Variants in RMDN2 observed in about 807,000 individuals in gnomAD.
RMDN2 encodes regulator of microtubule dynamics protein 2.
RMDN2 carries 61 observed loss-of-function variants against 52.8 expected under a neutral mutation model. The ratio of observed to expected loss-of-function variants is 1.16; its 90% CI spans 0.94 to 1.43. The LOEUF is 1.43. RMDN2 is among the 40% of genes most tolerant of loss of function. The pLI, the probability that RMDN2 is intolerant of heterozygous loss-of-function variation, is 0.00. For synonymous variants in RMDN2, 180 were observed against 153.1 expected, an observed-to-expected ratio of 1.18 and a Z score of -1.30; for missense variants, 592 against 475.3, an observed-to-expected ratio of 1.25 and a Z score of -2.28.
At position 37,952,149 on chromosome 2, in the gene RMDN2, G is replaced by C. The variant is rs1381121096; in HGVS notation, c.453-21891G>C. The C allele has an allele frequency of 2.5e-6, 4 of 1,613,170 alleles. No homozygotes were observed. Among genetic ancestry groups the C allele is most frequent in the Admixed American group, 1.7e-5 (1 of 59,892 alleles). ...CCTGTTTGAAGATGAAGACTTTGCT[G>C]TCTTGTTTCAAGATGAAGACAGATC... On this transcript the variant is annotated intron_variant, in intron 2 of 10. Coordinates refer to ENST00000354545, the MANE Select transcript of RMDN2 (RefSeq NM_001170791.3).
At chr2:37,995,019 G>A (rs1288787375) in intron 7 of RMDN2, among the ~76,000 whole-genome samples, 1 of 152,154 alleles carries the variant, frequency 6.6e-6, no homozygotes, top group Non-Finnish European at 1.5e-5. Flanking sequence ...AGGGGTATGA[G>A]AGAACTTTTT....
intron 10 of RMDN2, among the ~76,000 whole-genome samples, chr2:38,009,469 A>T (rs13416401): frequency 3.3e-5 from 5 of 151,982 alleles, no homozygotes; most frequent in African/African-American, 1.2e-4. Context: ...TTGATTTTCC[A>T]TCACTGATAC....
intron 2 of RMDN2, among the ~76,000 whole-genome samples, chr2:37,962,487 A>C (rs1056225875): frequency 6.6e-6 from 1 of 152,110 alleles, no homozygotes; most frequent in East Asian, 1.9e-4. Flanking sequence ...CTTTGTTTAC[A>C]CTGTGTGGGG....
intron 2 of RMDN2, among the ~76,000 whole-genome samples, chr2:37,934,693 G>T (rs1667141893): frequency 6.6e-6 from 1 of 152,088 alleles, no homozygotes; most frequent in African/African-American, 2.4e-5. Context: ...GATATCAGAG[G>T]CTGGTTGGGT....
At chr2:37,961,834 A>G (rs1193111622) in intron 2 of RMDN2, among the ~76,000 whole-genome samples, 1 of 151,980 alleles carries the variant, frequency 6.6e-6, no homozygotes, top group East Asian at 1.9e-4. Flanking sequence ...AGATTTATCT[A>G]CCTTTGATCT....
At chr2:38,010,698 G>A (rs968214653) in intron 10 of RMDN2, among the ~76,000 whole-genome samples, 6 of 152,060 alleles carry the variant, frequency 3.9e-5, no homozygotes, top group Non-Finnish European at 7.4e-5. Flanking sequence ...GCTCATGCTC[G>A]GTGCACTGCA....
chr2:38,003,860 A>T, intron 8 of RMDN2, 131 bp from the exon 9 acceptor site: 1 of 711,074 alleles, frequency 1.4e-6, no homozygotes, highest in Non-Finnish European at 2.4e-6. Flanking sequence ...TCAAATGTGA[A>T]ACAACCAACC....
chr2:38,054,516 C>T (rs1193621637), intron 10 of RMDN2, among the ~76,000 whole-genome samples: 1 of 152,192 alleles, frequency 6.6e-6, no homozygotes, highest in African/African-American at 2.4e-5. Flanking sequence ...AAAAAATATA[C>T]CCCAAATTCC....
intron 2 of RMDN2, among the ~76,000 whole-genome samples, chr2:37,932,693 C>CA (rs573140826): frequency 0.13 from 17,182 of 136,682 alleles, 1,282 homozygotes; most frequent in Non-Finnish European, 0.17. Flanking sequence ...GGGGGCTGAC[C>CA]CCCCCCACCT....
At chr2:37,924,373 C>T (rs1666122560), upstream of RMDN2, among the ~76,000 whole-genome samples, 1 of 152,142 alleles carries the variant, frequency 6.6e-6, no homozygotes, top group African/African-American at 2.4e-5. Flanking sequence ...AGTGTATGTA[C>T]TGTTTTGTTT....
At chr2:37,939,260 CTG>C (rs1667575736) in intron 2 of RMDN2, among the ~76,000 whole-genome samples, 1 of 151,156 alleles carries the variant, frequency 6.6e-6, no homozygotes, top group Admixed American at 6.6e-5. Context: ...GCCTGAGAGA[CTG>C]TTATGATTTC....
At position 37,946,230 on chromosome 2, in the gene RMDN2, T is replaced by C. The variant is rs926414030; in HGVS notation, c.452+16501T>C. ...CTGACTCTATGAAATAGAAAGTAGA[T>C]ACCTTTGTGGGTGTAGGGGTTGGAG... On this transcript the variant is annotated intron_variant, in intron 2 of 10. Transcript: ENST00000354545. 5.9e-5 allele frequency among the ~76,000 whole-genome samples: 9 copies of C among 152,296 alleles called. No homozygotes were observed. The Middle Eastern group carries it at 0.01, about 173-fold the overall frequency.
intron 2 of RMDN2, chr2:37,951,472 G>A (rs551243864): frequency 9.3e-6 from 15 of 1,612,234 alleles, no homozygotes; most frequent in Admixed American, 8.4e-5. Flanking sequence ...TTTCAAAAAA[G>A]AAATGCTTCC....
At chr2:38,041,427 G>GTTTTTTTTTTTTTTTTTTTTTTTGTTT (rs3057329) in intron 10 of RMDN2, among the ~76,000 whole-genome samples, 1 of 120,092 alleles carries the variant, frequency 8.3e-6, no homozygotes, top group Non-Finnish European at 1.6e-5. Context: ...TTTTTTATTG[G>GTTTTTTTTTTTTTTTTTTTTTTTGTTT]TTTTTTTTTT....
rs1231342605 is a variant in RMDN2, at chr2:37,929,598, A to G, written c.321A>G (p.Ile107Met). 5.2e-6 allele frequency: 8 copies of G among 1,551,776 alleles called. No individual in the cohort carries two copies. In the South Asian group the frequency reaches 7.1e-5, roughly 14 times the overall value. Residue 107 changes from isoleucine (I) to methionine (M), a missense_variant, in exon 2 of 11, where the codon ATA becomes ATG. Coordinates refer to ENST00000354545, the MANE Select transcript of RMDN2 (RefSeq NM_001170791.3). ...KEAIPKLEEYIQDELGGKITV... is the reference protein window; with the variant it reads ...KEAIPKLEEYMQDELGGKITV... ...CTATTCCAAAGCTGGAGGAATATAT[A>G]CAAGATGAACTTGGAGGGAAAATAA...
intron 2 of RMDN2, among the ~76,000 whole-genome samples, chr2:37,943,737 C>T (rs1359586774): frequency 1.3e-5 from 2 of 152,172 alleles, no homozygotes; most frequent in Non-Finnish European, 2.9e-5. Flanking sequence ...TCATGTTAAA[C>T]TGCAGTTAAA....
chr2:37,925,924 A>G (rs1040475209), intron 1 of RMDN2, among the ~76,000 whole-genome samples: 2 of 152,320 alleles, frequency 1.3e-5, no homozygotes, highest in East Asian at 3.9e-4. Flanking sequence ...AACATAGGGG[A>G]ATGAGGCAAA....
At chr2:38,042,606 G>A (rs571348210) in intron 10 of RMDN2, among the ~76,000 whole-genome samples, 2 of 151,412 alleles carry the variant, frequency 1.3e-5, no homozygotes, top group East Asian at 3.9e-4. Context: ...GCTGATTTTA[G>A]ATCTTTATTC....
intron 2 of RMDN2, among the ~76,000 whole-genome samples, chr2:37,943,825 G>C (rs957126362): frequency 3.3e-5 from 5 of 152,038 alleles, no homozygotes; most frequent in Admixed American, 1.3e-4. Context: ...TGTTAATTGA[G>C]GCTTTTTTTT....
Sources: allele counts gnomAD v4.1 joint callset (sites outside exome capture counted in the v4.1 genomes callset), GRCh38; gene constraint gnomAD v4.1.1; transcripts MANE v1.5; gene names NCBI Gene and HGNC (gene_info 2026-07-23, HGNC 2026-07-21).